The following NSF variants were observed in gnomAD, a reference collection of about 807,000 sequenced individuals.
NSF encodes vesicle-fusing ATPase.
A neutral mutation model predicts 50.3 loss-of-function variants in NSF; 14 were observed. The observed-to-expected ratio is 0.28, with a 90% CI of 0.18 to 0.44. NSF has a LOEUF of 0.44. Ranked by LOEUF, NSF falls within the 20% of genes least tolerant of loss-of-function variation. The pLI is 1.00. For missense variants in NSF, 218 were observed against 504.3 expected (o/e 0.43, Z 5.44); for synonymous variants, 109 against 175.7 (o/e 0.62, Z 3.00).
intron 19 of NSF, among the ~76,000 whole-genome samples, chr17:46,753,359 T>C (rs371004302): frequency 3.9e-5 from 6 of 152,370 alleles, no homozygotes; most frequent in African/African-American, 1.4e-4. Context: ...TCTTTTCTGG[T>C]AAATTTATCT....
At chr17:46,718,329 A>C (rs1224850358) in intron 15 of NSF, among the ~76,000 whole-genome samples, 2 of 152,204 alleles carry the variant, frequency 1.3e-5, no homozygotes, top group African/African-American at 4.8e-5. Context: ...GCTCAGTGAA[A>C]GCTGATTAAA....
chr17:46,682,047 T>TA (rs923661934), intron 9 of NSF, among the ~76,000 whole-genome samples: 2 of 64,842 alleles, frequency 3.1e-5, no homozygotes, highest in African/African-American at 2.3e-4. Flanking sequence ...AATAAAGAGA[T>TA]AAAAAACTAT....
At chr17:46,611,423 T>G in intron 1 of NSF, among the ~76,000 whole-genome samples, 1 of 45,364 alleles carries the variant, frequency 2.2e-5, no homozygotes, top group Middle Eastern at 5.3e-3. Context: ...CACAACAGTC[T>G]TGAAAAAAAG....
chr17:46,748,576 AG>A (rs2059153725), intron 17 of NSF, among the ~76,000 whole-genome samples: 1 of 152,222 alleles, frequency 6.6e-6, no homozygotes, highest in African/African-American at 2.4e-5. Flanking sequence ...GGAATAGATG[AG>A]GAAAAGGAAG....
At chr17:46,721,644 C>T in intron 15 of NSF, 5 of 1,595,862 alleles carry the variant, frequency 3.1e-6, no homozygotes, top group Non-Finnish European at 4.3e-6. Context: ...TTATAGACAC[C>T]AGAAAAAGTT....
chr17:46,744,406 G>A (rs181020063), intron 17 of NSF, among the ~76,000 whole-genome samples: 3 of 152,282 alleles, frequency 2.0e-5, no homozygotes, highest in Admixed American at 6.5e-5. Context: ...GCAGTTTTGA[G>A]TTGCACTTTT....
intron 17 of NSF, among the ~76,000 whole-genome samples, chr17:46,742,203 C>T (rs2059080863): frequency 6.6e-6 from 1 of 152,170 alleles, no homozygotes; most frequent in Admixed American, 6.5e-5. Context: ...ACATGCCGTT[C>T]ATTCTAGATT....
chr17:46,681,614 A>G lies in NSF; in HGVS notation c.945+7001A>G, dbSNP rs528464406. On this transcript the variant is annotated intron_variant, in intron 9 of 20. Coordinates refer to ENST00000398238, the MANE Select transcript of NSF (RefSeq NM_006178.4). ...GAATTAATCTATCCTACCATTTAAA[A>G]TTTTTGTTGAGGGTAAAATAATATT... is the stretch of plus-strand genomic sequence containing the variant. 8.9e-4 allele frequency among the ~76,000 whole-genome samples: 133 copies of G among 149,804 alleles called. 2 individuals are homozygous for G. Among genetic ancestry groups the G allele is most frequent in the African/African-American group, 3.2e-3 (131 of 40,484 alleles).
intron 17 of NSF, among the ~76,000 whole-genome samples, chr17:46,734,146 T>C (rs541777361): frequency 1.6e-4 from 25 of 152,202 alleles, no homozygotes; most frequent in Non-Finnish European, 3.5e-4. Flanking sequence ...TTGATAATAT[T>C]AAGCAACTCT....
intron 4 of NSF, among the ~76,000 whole-genome samples, chr17:46,635,706 C>T (rs1441514471): frequency 9.8e-6 from 1 of 102,250 alleles, no homozygotes; most frequent in Non-Finnish European, 2.1e-5. Flanking sequence ...ACGAGAGCTG[C>T]TACTGTATCC....
intron 15 of NSF, among the ~76,000 whole-genome samples, chr17:46,725,998 A>G (rs2058885648): frequency 6.6e-6 from 1 of 152,138 alleles, no homozygotes; most frequent in Non-Finnish European, 1.5e-5. Flanking sequence ...TGACCATCTT[A>G]AGACAGTGCA....
chr17:46,722,010 C>A, intron 15 of NSF: 1 of 1,608,502 alleles, frequency 6.2e-7, no homozygotes, highest in Non-Finnish European at 8.5e-7. Flanking sequence ...CCACCACCAA[C>A]TTCAGTTTCC....
chr17:46,737,547 A>G (rs2146312980), intron 17 of NSF, among the ~76,000 whole-genome samples: 1 of 148,260 alleles, frequency 6.7e-6, no homozygotes, highest in Non-Finnish European at 1.5e-5. Flanking sequence ...GCTTTTTTCT[A>G]ATTTGTTCAC....
At chr17:46,720,023 T>C (rs1300419709) in intron 15 of NSF, among the ~76,000 whole-genome samples, 1 of 152,244 alleles carries the variant, frequency 6.6e-6, no homozygotes, top group Admixed American at 6.5e-5. Flanking sequence ...TAAATCCCAC[T>C]GCAAATTGTA....
intron 1 of NSF, among the ~76,000 whole-genome samples, chr17:46,606,082 G>T (rs2057957046): frequency 1.0e-5 from 1 of 96,948 alleles, no homozygotes; most frequent in African/African-American, 5.1e-5. Flanking sequence ...AGGAGGCTGA[G>T]GTAGGAGAAT....
intron 1 of NSF, among the ~76,000 whole-genome samples, chr17:46,603,137 TAA>T (rs2057929146): frequency 8.0e-6 from 1 of 125,074 alleles, no homozygotes; most frequent in Non-Finnish European, 1.7e-5. Context: ...AACTTAATTA[TAA>T]GTTAAATGAT....
At chr17:46,709,587 C>A (rs552253047) in intron 13 of NSF, among the ~76,000 whole-genome samples, 1 of 151,786 alleles carries the variant, frequency 6.6e-6, no homozygotes, top group Non-Finnish European at 1.5e-5. Flanking sequence ...CTCCGCCTCC[C>A]GGGTTCAAGC....
At chr17:46,754,298 T>C (rs1318746390) in intron 19 of NSF, among the ~76,000 whole-genome samples, 3 of 151,886 alleles carry the variant, frequency 2.0e-5, no homozygotes, top group Non-Finnish European at 4.4e-5. Flanking sequence ...TTGAAACTTC[T>C]GTTCAGTGTT....
intron 15 of NSF, among the ~76,000 whole-genome samples, chr17:46,715,148 A>G (rs942630120): frequency 1.3e-5 from 2 of 152,242 alleles, no homozygotes; most frequent in Non-Finnish European, 2.9e-5. Flanking sequence ...CACATTGAAG[A>G]GTCCAGAGAA....
Sources: gnomAD v4.1 joint callset for allele counts (sites outside exome capture counted in the v4.1 genomes callset) on GRCh38, gnomAD v4.1.1 for gene constraint, MANE v1.5 for transcripts, NCBI Gene and HGNC (gene_info 2026-07-23, HGNC 2026-07-21) for gene names.